The following CNBD1 variants were observed in gnomAD, a reference collection of about 807,000 sequenced individuals.
The protein encoded by CNBD1 is cyclic nucleotide-binding domain-containing protein 1.
CNBD1 carries 71 observed loss-of-function variants against 54.4 expected under a neutral mutation model. The ratio of observed to expected loss-of-function variants is 1.30; its 90% CI spans 1.08 to 1.59. The LOEUF is 1.59. Among genes scored for constraint, CNBD1 ranks in the 40% most tolerant of loss-of-function variants. The pLI is 0.00. For missense variants in CNBD1, 659 were observed against 518.0 expected (o/e 1.27, Z -2.64); for synonymous variants, 182 against 170.7 (o/e 1.07, Z -0.51).
At chr8:86,948,604 A>G (rs374674881) in intron 4 of CNBD1, among the ~76,000 whole-genome samples, 14 of 152,014 alleles carry the variant, frequency 9.2e-5, no homozygotes, top group Admixed American at 7.2e-4. Flanking sequence ...TTTAAATCAG[A>G]TTATTAAATT....
At chr8:86,953,615 C>A (rs1807683316) in intron 4 of CNBD1, among the ~76,000 whole-genome samples, 1 of 152,118 alleles carries the variant, frequency 6.6e-6, no homozygotes, top group Non-Finnish European at 1.5e-5. Context: ...GCCTGTAATC[C>A]CAGCACTTTG....
At chr8:87,046,541 T>G (rs961401579) in intron 4 of CNBD1, among the ~76,000 whole-genome samples, 5 of 152,122 alleles carry the variant, frequency 3.3e-5, no homozygotes, top group African/African-American at 9.7e-5. Flanking sequence ...CTAGGGAGAA[T>G]TAGGTGTAAC....
intron 2 of CNBD1, among the ~76,000 whole-genome samples, chr8:87,426,612 G>A (rs1264183471): frequency 6.6e-6 from 1 of 152,112 alleles, no homozygotes; most frequent in African/African-American, 2.4e-5. Context: ...TCCTAGCAAT[G>A]CCAATTGCTT....
intron 4 of CNBD1, among the ~76,000 whole-genome samples, chr8:86,958,739 G>A (rs1048842500): frequency 3.9e-5 from 6 of 152,056 alleles, no homozygotes; most frequent in Non-Finnish European, 8.8e-5. Context: ...CATGAGATGG[G>A]TCTCCTGAAT....
At chr8:87,320,784 A>C (rs13249744) in intron 8 of CNBD1, among the ~76,000 whole-genome samples, 1 of 151,944 alleles carries the variant, frequency 6.6e-6, no homozygotes, top group Non-Finnish European at 1.5e-5. Context: ...ATCAACTGCA[A>C]TCACAATGTT....
intron 4 of CNBD1, among the ~76,000 whole-genome samples, chr8:87,014,822 T>C (rs1809319322): frequency 1.3e-5 from 2 of 150,772 alleles, no homozygotes; most frequent in Admixed American, 1.3e-4. Flanking sequence ...AAATAATAGA[T>C]GCAAAGAAAG....
At chr8:87,392,069 G>C (rs1811320181) in intron 2 of CNBD1, among the ~76,000 whole-genome samples, 2 of 152,020 alleles carry the variant, frequency 1.3e-5, no homozygotes, top group African/African-American at 4.8e-5. Flanking sequence ...ACTTTCACTA[G>C]TTATTAGGAA....
intron 4 of CNBD1, among the ~76,000 whole-genome samples, chr8:87,043,196 G>T (rs1358413802): frequency 1.3e-5 from 2 of 152,144 alleles, no homozygotes; most frequent in Non-Finnish European, 2.9e-5. Flanking sequence ...TGAGGTGGTT[G>T]TACCTGTAGG....
intron 1 of CNBD1, among the ~76,000 whole-genome samples, chr8:86,877,969 CT>C (rs1475284516): frequency 1.1e-4 from 17 of 151,686 alleles, no homozygotes; most frequent in Non-Finnish European, 2.2e-4. Context: ...GATTTTATTT[CT>C]GTCATTATTT....
At chr8:87,230,552 A>G (rs982282508) in intron 5 of CNBD1, among the ~76,000 whole-genome samples, 3 of 150,304 alleles carry the variant, frequency 2.0e-5, no homozygotes, top group African/African-American at 7.6e-5. Context: ...CCAGAAATTA[A>G]TGTACTTTGT....
chr8:86,999,621 G>A (rs1524837), intron 4 of CNBD1, among the ~76,000 whole-genome samples: 1,739 of 151,884 alleles, frequency 0.011, 27 homozygotes, highest in African/African-American at 0.037. Flanking sequence ...CCCTTCCCCC[G>A]GTTGAGATCC....
chr8:87,337,969 T>G (rs554270457), intron 8 of CNBD1, among the ~76,000 whole-genome samples: 5 of 152,340 alleles, frequency 3.3e-5, no homozygotes, highest in African/African-American at 1.2e-4. Flanking sequence ...TGTTTTTCTA[T>G]TTTTGTCTTC....
chr8:87,082,571 T>A (rs1013628395), intron 4 of CNBD1, among the ~76,000 whole-genome samples: 1 of 152,142 alleles, frequency 6.6e-6, no homozygotes, highest in Non-Finnish European at 1.5e-5. Flanking sequence ...AATGGTATAG[T>A]TTTTTTCTTT....
chr8:87,422,269 T>C (rs797017350), intron 2 of CNBD1, among the ~76,000 whole-genome samples: 1 of 145,608 alleles, frequency 6.9e-6, no homozygotes, highest in Admixed American at 6.8e-5. Flanking sequence ...GCAGAAGCTC[T>C]TTAGTTTAAT....
At position 86,949,963 on chromosome 8, in the gene CNBD1, T is replaced by TTTG. The variant is rs1563833547; in HGVS notation, c.431+10211_431+10212insGTT. Among the ~76,000 whole-genome samples the TTTG allele has an allele frequency of 4.6e-5, 6 of 131,100 alleles. 1 individual carries two copies. The highest frequency in any genetic ancestry group is 7.3e-3 in the Middle Eastern group (2 of 274). 86.0% of individuals were successfully genotyped at this position (131,100 alleles called of 152,430 possible). On this transcript the variant is annotated intron_variant, in intron 4 of 10. Coordinates refer to ENST00000518476, the MANE Select transcript of CNBD1 (RefSeq NM_173538.3). ...CATCAAATGCTTTTTTTTTTTTTTT[T>TTTG]TTTTTTTTTTTGAGATGGAGTCTCG...
chr8:87,162,223 A>C (rs1812872116), intron 4 of CNBD1, among the ~76,000 whole-genome samples: 1 of 152,146 alleles, frequency 6.6e-6, no homozygotes, highest in Non-Finnish European at 1.5e-5. Flanking sequence ...TTTGGATAAT[A>C]ATGCTTAGAT....
At chr8:87,050,252 AAT>A (rs1200182295) in intron 4 of CNBD1, among the ~76,000 whole-genome samples, 1 of 152,204 alleles carries the variant, frequency 6.6e-6, no homozygotes, top group African/African-American at 2.4e-5. Flanking sequence ...GAAAGGAGGT[AAT>A]GGGCTTAATC....
chr8:87,103,267 CA>C (rs1432141804), intron 4 of CNBD1, among the ~76,000 whole-genome samples: 16 of 152,218 alleles, frequency 1.1e-4, no homozygotes, highest in African/African-American at 3.6e-4. Flanking sequence ...GGAAGGTCTA[CA>C]AAAAGCCTTG....
intron 3 of CNBD1, among the ~76,000 whole-genome samples, chr8:86,917,720 C>CA (rs1321076252): frequency 1.3e-5 from 2 of 152,146 alleles, no homozygotes; most frequent in Non-Finnish European, 2.9e-5. Context: ...GGCCACTCTG[C>CA]AACAGGAACA....
Sources: allele counts gnomAD v4.1 joint callset (sites outside exome capture counted in the v4.1 genomes callset), GRCh38; gene constraint gnomAD v4.1.1; transcripts MANE v1.5; gene names NCBI Gene and HGNC (gene_info 2026-07-23, HGNC 2026-07-21).